The following FLVCR1 variants were observed in gnomAD, a reference collection of about 807,000 sequenced individuals.
FLVCR1 encodes FLVCR choline and heme transporter 1, also known as choline/ethanolamine transporter FLVCR1.
Under a neutral mutation model 53.6 loss-of-function variants are expected in FLVCR1, and 34 were observed. That is an observed-to-expected ratio of 0.63 (90% CI 0.48 to 0.84). FLVCR1 has a LOEUF of 0.84. FLVCR1 is among the 40% of genes least tolerant of loss of function. The probability of loss-of-function intolerance (pLI) is 0.00; values close to 1 mark genes in which losing one functional copy is unlikely to be tolerated. For synonymous variants in FLVCR1, 300 were observed against 286.3 expected, an observed-to-expected ratio of 1.05 and a Z score of -0.48; for missense variants, 677 against 696.7, an observed-to-expected ratio of 0.97 and a Z score of 0.32.
rs2102551619 is a variant in FLVCR1 at position 212,872,830 on chromosome 1, T to C, written c.1024+12T>C. The C allele has an allele frequency of 6.2e-7, 1 of 1,613,366 alleles. No homozygotes were observed. Among genetic ancestry groups the C allele is most frequent in the East Asian group, 2.2e-5 (1 of 44,812 alleles). ...GTTGATCACTTATGGTAAGTGGTTT[T>C]CTTGTACTTTCTTTAATGTCTGTGT... On this transcript the variant is annotated intron_variant, in intron 3 of 9. Coordinates refer to ENST00000366971, the MANE Select transcript of FLVCR1 (RefSeq NM_014053.4).
chr1:212,860,966 C>T lies in FLVCR1; in HGVS notation c.738+1776C>T, dbSNP rs148069120. Among the ~76,000 whole-genome samples the T allele has an allele frequency of 2.0e-3, 301 of 152,282 alleles. 1 individual carries two copies. The highest frequency in any genetic ancestry group is 6.7e-3 in the African/African-American group (279 of 41,546). On this transcript the variant is annotated intron_variant, in intron 1 of 9. Coordinates refer to ENST00000366971, the MANE Select transcript of FLVCR1 (RefSeq NM_014053.4). Reference sequence around the variant, plus strand: ...CACCTAGAGCTTGCTAACTGTCCTCCCTATCTGTAGCCCTTGCTGTCTTCC... The same window carrying T: ...CACCTAGAGCTTGCTAACTGTCCTCTCTATCTGTAGCCCTTGCTGTCTTCC...
At chr1:212,861,213 A>G (rs1381122079) in intron 1 of FLVCR1, among the ~76,000 whole-genome samples, 1 of 152,156 alleles carries the variant, frequency 6.6e-6, no homozygotes, top group Non-Finnish European at 1.5e-5. Flanking sequence ...CTCTGTGCAG[A>G]ACTATGCCTA....
chr1:212,894,365 G>C (rs1237312298), intron 8 of FLVCR1, among the ~76,000 whole-genome samples: 1 of 151,454 alleles, frequency 6.6e-6, no homozygotes, highest in East Asian at 2.0e-4. Context: ...GTGTTGGCCG[G>C]GATGGTCTCG....
At chr1:212,872,527 C>G (rs781721903) in intron 2 of FLVCR1, 151 bp from the exon 3 acceptor site, 1 of 571,542 alleles carries the variant, frequency 1.7e-6, no homozygotes, top group Non-Finnish European at 3.1e-6. Flanking sequence ...AAAATGAAAA[C>G]CCTTACCATA....
chr1:212,889,363 A>G lies in FLVCR1; in HGVS notation c.1525+106A>G, dbSNP rs41300991. 483 of 749,602 alleles carry G rather than the reference A, an allele frequency of 6.4e-4. 3 individuals are homozygous for G. The African/African-American group carries it at 7.2e-3, about 11-fold the overall frequency. The allele number at this position is 749,602 out of a possible 1,614,324, so 46.4% of individuals were successfully genotyped here. ...GAACTCAAGGGGAAAAAAATGAGAT[A>G]AAAAGCAGGACATTATTTGTTTTCT... is the stretch of plus-strand genomic sequence containing the variant. On this transcript the variant is annotated intron_variant, in intron 8 of 9. Transcript: ENST00000366971.
chr1:212,864,781 C>T (rs1318141655), intron 2 of FLVCR1, among the ~76,000 whole-genome samples: 2 of 151,970 alleles, frequency 1.3e-5, no homozygotes, highest in African/African-American at 4.8e-5. Context: ...ATGGAAAATT[C>T]ATATTTTGTG....
intron 2 of FLVCR1, among the ~76,000 whole-genome samples, chr1:212,868,345 G>T (rs1664501888): frequency 6.6e-6 from 1 of 152,316 alleles, no homozygotes. Context: ...AAAGTGCTGG[G>T]ATTACAGGCA....
At position 212,898,816 on chromosome 1, in the gene FLVCR1, C is replaced by T. The variant is rs1665405997; in HGVS notation, c.*3526C>T. On this transcript the variant is annotated 3_prime_UTR_variant, in exon 10 of 10. Coordinates refer to ENST00000366971, the MANE Select transcript of FLVCR1 (RefSeq NM_014053.4). ...GCACACCTGGGCTAGATGGCAAAGT[C>T]TGTCGCTTCTGGGCTACAGACCTGT... is the stretch of plus-strand genomic sequence containing the variant. The T allele has an allele frequency of 1.3e-5, 2 of 152,242 alleles. No homozygotes were observed. Among genetic ancestry groups the T allele is most frequent in the Admixed American group, 1.3e-4 (2 of 15,290 alleles). The allele number at this position is 152,242 out of a possible 1,614,324, so 9.4% of individuals were successfully genotyped here.
chr1:212,888,456 G>C (rs1665112701), intron 6 of FLVCR1, 33 bp from the exon 7 acceptor site: 4 of 1,444,710 alleles, frequency 2.8e-6, no homozygotes, highest in Non-Finnish European at 3.9e-6. Flanking sequence ...CTTTCTGGTA[G>C]TTCTTTCTGT....
Position 212,896,885 on chromosome 1 carries a change from AAAAG to A in FLVCR1, c.*1596_*1599del. ...AAAAAAAAAAAAAAAAAAAAAAAAAAAAAGGCCAGGCGCAGTGCTGTGGCTCATG... is the reference window on the plus strand; with the variant it reads ...AAAAAAAAAAAAAAAAAAAAAAAAAAGCCAGGCGCAGTGCTGTGGCTCATG... On this transcript the variant is annotated 3_prime_UTR_variant, in exon 10 of 10. Coordinates refer to ENST00000366971, the MANE Select transcript of FLVCR1 (RefSeq NM_014053.4). 7.2e-6 allele frequency: 1 copy of A among 138,940 alleles called. No individual in the cohort carries two copies. Among genetic ancestry groups the A allele is most frequent in the Non-Finnish European group, 1.5e-5 (1 of 64,890 alleles). The allele number at this position is 138,940 out of a possible 1,614,324, so 8.6% of individuals were successfully genotyped here.
At chr1:212,883,523 T>G in intron 4 of FLVCR1, 85 bp downstream of exon 4, 1 of 738,552 alleles carries the variant, frequency 1.4e-6, no homozygotes, top group Non-Finnish European at 2.4e-6. Context: ...GTCATGAGAT[T>G]AAGGGTTATG....
At chr1:212,868,067 T>G (rs1414697123) in intron 2 of FLVCR1, among the ~76,000 whole-genome samples, 13 of 152,158 alleles carry the variant, frequency 8.5e-5, no homozygotes, top group Admixed American at 8.5e-4. Context: ...CCTCTCAAAG[T>G]GCTGGGATTA....
At chr1:212,873,567 A>T (rs991953129) in intron 3 of FLVCR1, among the ~76,000 whole-genome samples, 1 of 152,196 alleles carries the variant, frequency 6.6e-6, no homozygotes, top group Non-Finnish European at 1.5e-5. Context: ...CTCTCTCTCC[A>T]CATCTTTCAG....
chr1:212,889,105 A>G, intron 7 of FLVCR1, 41 bp from the exon 8 acceptor site: 1 of 1,363,922 alleles, frequency 7.3e-7, no homozygotes, highest in Non-Finnish European at 1.0e-6. Context: ...GCTTTAAATA[A>G]TTTAACTTAA....
At position 212,858,336 on chromosome 1, in the gene FLVCR1, G is replaced by C; in HGVS notation, c.-117G>C. ...GTTCGCGGCGCGCGCCACCGGGGAA[G>C]GAGCGGTGGGCCGAGGGGTTGGAGG... On this transcript the variant is annotated 5_prime_UTR_variant, in exon 1 of 10. Transcript: ENST00000366971. 9.8e-7 allele frequency: 1 copy of C among 1,022,916 alleles called. No individual in the cohort carries two copies. The highest frequency in any genetic ancestry group is 1.4e-6 in the Non-Finnish European group (1 of 739,238). 63.4% of individuals were successfully genotyped at this position (1,022,916 alleles called of 1,614,324 possible).
At chr1:212,889,336 CAG>C in intron 8 of FLVCR1, 79 bp downstream of exon 8, 1 of 909,708 alleles carries the variant, frequency 1.1e-6, no homozygotes, top group East Asian at 2.4e-5. Context: ...AATAGCTTGA[CAG>C]AACTCAAGGG....
chr1:212,893,066 G>GT (rs910035911), intron 8 of FLVCR1, among the ~76,000 whole-genome samples: 9 of 10,402 alleles, frequency 8.7e-4, no homozygotes, highest in Middle Eastern at 0.02. Context: ...CTTTTTTTTT[G>GT]GGGGGGGGTG....
At position 212,895,349 on chromosome 1, in the gene FLVCR1, A is replaced by G. The variant is rs2102577413; in HGVS notation, c.*59A>G. 1 of 1,286,636 alleles carries G rather than the reference A, an allele frequency of 7.8e-7. No individual in the cohort carries two copies. The highest frequency in any genetic ancestry group is 1.4e-5 in the African/African-American group (1 of 69,372). The allele number at this position is 1,286,636 out of a possible 1,614,324, so 79.7% of individuals were successfully genotyped here. A position where few individuals can be genotyped will look rare whatever the true frequency, so the allele number is the denominator to read the frequency against. On this transcript the variant is annotated 3_prime_UTR_variant, in exon 10 of 10. Transcript: ENST00000366971. ...GGGGACAATGTGATCATCCTTGGAG[A>G]GAGATGTGAGCACCAAGGCTGGGTT...
intron 5 of FLVCR1, 165 bp downstream of exon 5, chr1:212,885,561 TTTTTTTTG>T (rs1178153080): frequency 6.1e-5 from 29 of 472,874 alleles, no homozygotes; most frequent in South Asian, 4.2e-4. Context: ...TTTTTTTTTT[TTTTTTTTG>T]AGACGGAGTC....
Sources: gnomAD v4.1 joint callset for allele counts (sites outside exome capture counted in the v4.1 genomes callset) on GRCh38, gnomAD v4.1.1 for gene constraint, MANE v1.5 for transcripts, NCBI Gene and HGNC (gene_info 2026-07-23, HGNC 2026-07-21) for gene names.